Variants in KSR2 observed in about 807,000 individuals in gnomAD.
KSR2 encodes the protein kinase suppressor of ras 2.
In KSR2, 25 loss-of-function variants were observed where a neutral mutation model predicts 107.8. The observed-to-expected ratio is 0.23, with a 90% CI of 0.17 to 0.32. KSR2 has a LOEUF of 0.32. KSR2 is among the 10% of genes least tolerant of loss of function. The probability of loss-of-function intolerance (pLI) is 1.00; values close to 1 mark genes in which losing one functional copy is unlikely to be tolerated. For missense variants in KSR2, 887 were observed against 1,268.9 expected (o/e 0.70, Z 4.57); for synonymous variants, 480 against 507.0 (o/e 0.95, Z 0.71).
chr12:117,822,206 A>T (rs1300640888), intron 3 of KSR2, among the ~76,000 whole-genome samples: 1 of 152,160 alleles, frequency 6.6e-6, no homozygotes, highest in African/African-American at 2.4e-5. Flanking sequence ...TAACCATAAA[A>T]ATGGGCAACC....
intron 4 of KSR2, among the ~76,000 whole-genome samples, chr12:117,692,260 C>T (rs759921277): frequency 4.0e-5 from 6 of 151,808 alleles, no homozygotes; most frequent in Non-Finnish European, 7.4e-5. Flanking sequence ...AAGGAGATAC[C>T]ACTTCACAAC....
chr12:117,694,729 T>G (rs947739014), intron 4 of KSR2, among the ~76,000 whole-genome samples: 1 of 152,124 alleles, frequency 6.6e-6, no homozygotes, highest in Non-Finnish European at 1.5e-5. Context: ...CAATGAAATA[T>G]TATCCAGCCT....
chr12:117,497,929 C>A (rs112028332), intron 14 of KSR2, among the ~76,000 whole-genome samples: 37 of 152,350 alleles, frequency 2.4e-4, no homozygotes, highest in African/African-American at 8.4e-4. Context: ...ATGCCCACTA[C>A]TCAGCAGTAC....
intron 14 of KSR2, among the ~76,000 whole-genome samples, chr12:117,521,185 C>A (rs2137225859): frequency 6.6e-6 from 1 of 152,290 alleles, no homozygotes; most frequent in East Asian, 1.9e-4. Flanking sequence ...ATTTTTACAA[C>A]TTTCCTCTCC....
intron 4 of KSR2, among the ~76,000 whole-genome samples, chr12:117,746,289 C>G (rs1686476961): frequency 6.6e-6 from 1 of 152,044 alleles, no homozygotes. Context: ...ACATCTATAA[C>G]CATCTGATCT....
intron 1 of KSR2, among the ~76,000 whole-genome samples, chr12:117,915,000 G>A (rs1895133895): frequency 6.6e-6 from 1 of 152,218 alleles, no homozygotes; most frequent in African/African-American, 2.4e-5. Context: ...TATGCAATGA[G>A]GGTCAGCAAC....
At chr12:117,602,785 T>G (rs1881028294) in intron 5 of KSR2, among the ~76,000 whole-genome samples, 1 of 152,228 alleles carries the variant, frequency 6.6e-6, no homozygotes, top group Non-Finnish European at 1.5e-5. Context: ...AATGATTTGA[T>G]GCAGCTTGCA....
chr12:117,939,005 A>G (rs1025188187), intron 1 of KSR2, among the ~76,000 whole-genome samples: 1 of 152,124 alleles, frequency 6.6e-6, no homozygotes, highest in Non-Finnish European at 1.5e-5. Flanking sequence ...AAAAAAAAAA[A>G]AGGAAAGTAA....
intron 14 of KSR2, among the ~76,000 whole-genome samples, chr12:117,513,813 C>T (rs572068057): frequency 1.3e-5 from 2 of 152,302 alleles, no homozygotes; most frequent in South Asian, 2.1e-4. Context: ...TGGGCAAAAT[C>T]GTAATTAAAA....
Position 117,742,165 on chromosome 12 carries a change from G to A in KSR2, c.986+18846C>T, listed in dbSNP as rs534315527. Among the ~76,000 whole-genome samples the A allele has an allele frequency of 4.6e-5, 7 of 152,272 alleles. No homozygotes were observed. The South Asian group carries it at 1.4e-3, about 32-fold the overall frequency. On this transcript the variant is annotated intron_variant, in intron 4 of 19. Transcript: ENST00000339824. ...CTAATCATAAGGAAAAAAACAAGTT[G>A]AAAGATAGCCTACAGGAGAAAGCAA...
At chr12:117,964,849 C>T (rs4525333) in intron 1 of KSR2, among the ~76,000 whole-genome samples, 1 of 151,974 alleles carries the variant, frequency 6.6e-6, no homozygotes, top group Non-Finnish European at 1.5e-5. Context: ...TCTGACTCAA[C>T]GTTCATGAAC....
chr12:117,512,967 C>T (rs963034258), intron 14 of KSR2, among the ~76,000 whole-genome samples: 1 of 152,130 alleles, frequency 6.6e-6, no homozygotes, highest in Non-Finnish European at 1.5e-5. Context: ...AATACAGTTT[C>T]TCTTGGAGGA....
At chr12:117,902,269 G>A (rs565649224) in intron 1 of KSR2, among the ~76,000 whole-genome samples, 32 of 152,126 alleles carry the variant, frequency 2.1e-4, no homozygotes, top group Non-Finnish European at 4.1e-4. Context: ...GACCAGCCTG[G>A]CCAACATGGT....
chr12:117,503,312 G>A (rs1873491123), intron 14 of KSR2, among the ~76,000 whole-genome samples: 1 of 152,210 alleles, frequency 6.6e-6, no homozygotes, highest in Admixed American at 6.5e-5. Context: ...CAACACCAGT[G>A]TTCATCAGAT....
At chr12:117,640,278 G>T (rs951439505) in intron 5 of KSR2, among the ~76,000 whole-genome samples, 1 of 151,716 alleles carries the variant, frequency 6.6e-6, no homozygotes, top group Non-Finnish European at 1.5e-5. Context: ...AGCCTTGAAG[G>T]CTCGCTCTGT....
intron 1 of KSR2, among the ~76,000 whole-genome samples, chr12:117,918,826 C>T (rs1895260018): frequency 6.6e-6 from 1 of 151,548 alleles, no homozygotes; most frequent in Admixed American, 6.6e-5. Context: ...ACTTTTTCTG[C>T]AGGCGGGGTA....
intron 1 of KSR2, among the ~76,000 whole-genome samples, chr12:117,927,628 G>A (rs764892462): frequency 6.6e-6 from 1 of 151,866 alleles, no homozygotes; most frequent in Non-Finnish European, 1.5e-5. Context: ...GAGGGACAGA[G>A]GTTGCAGTGA....
chr12:117,680,224 G>A (rs1177722830), intron 4 of KSR2, among the ~76,000 whole-genome samples: 1 of 152,130 alleles, frequency 6.6e-6, no homozygotes, highest in Non-Finnish European at 1.5e-5. Flanking sequence ...CTGGGTTATG[G>A]GGAGGGAAGT....
chr12:117,714,036 T>G (rs1206388221), intron 4 of KSR2, among the ~76,000 whole-genome samples: 1 of 152,068 alleles, frequency 6.6e-6, no homozygotes, highest in Non-Finnish European at 1.5e-5. Flanking sequence ...GAAGAGGAAT[T>G]TTCTTTCCTG....
Sources: allele counts gnomAD v4.1 joint callset (sites outside exome capture counted in the v4.1 genomes callset), GRCh38; gene constraint gnomAD v4.1.1; transcripts MANE v1.5; gene names NCBI Gene and HGNC (gene_info 2026-07-23, HGNC 2026-07-21).